The following ZNF91 variants were observed in gnomAD, a reference collection of about 807,000 sequenced individuals.
ZNF91 encodes the protein zinc finger protein 91 (HPF7, HTF10).
ZNF91 carries 7 observed loss-of-function variants against 12.6 expected under a neutral mutation model. The ratio of observed to expected loss-of-function variants is 0.55; its 90% CI spans 0.31 to 1.04. The LOEUF (loss-of-function observed/expected upper bound fraction) is 1.04, where lower values mean the gene tolerates loss of function less well. Among genes scored for constraint, ZNF91 ranks in the 50% least tolerant of loss-of-function variants. ZNF91 has a pLI of 0.05. For synonymous variants in ZNF91, 453 were observed against 462.6 expected (o/e 0.98, Z 0.27); for missense variants, 1,217 against 1,385.4 (o/e 0.88, Z 1.93).
In ZNF91 at chr19:23,362,372, C is replaced by T. The variant is rs369764933; in HGVS notation, c.607G>A (p.Val203Ile). Residue 203 changes from valine to isoleucine, a missense_variant, in exon 4 of 4, where the codon GTT (valine) becomes ATT (isoleucine). By Grantham distance (29) the Val-to-Ile change is conservative. Around this residue, in one of 2 missense-constraint regions of ZNF91, gnomAD observed 726 missense variants for 895.5 expected, o/e 0.81. Coordinates refer to ENST00000300619, the MANE Select transcript of ZNF91 (RefSeq NM_003430.4). ...TTACAGGACTTCTCTGTAATATAAA[C>T]GCATTTATGTTGGGTTTTGTGTAAA... is the stretch of plus-strand genomic sequence containing the variant. ...IRLHKTQHKC[V>I]YITEKSCKCK... The T allele has an allele frequency of 1.6e-5, 26 of 1,613,594 alleles. No individual in the cohort carries two copies. The highest frequency in any genetic ancestry group is 1.0e-4 in the Admixed American group (6 of 59,898).
intron 1 of ZNF91, among the ~76,000 whole-genome samples, chr19:23,385,972 T>C (rs565196991): frequency 6.6e-6 from 1 of 152,284 alleles, no homozygotes; most frequent in South Asian, 2.1e-4. Context: ...AAAAATAATT[T>C]TAGGATACAA....
At chr19:23,330,737 T>C (rs969297661) in intron 1 of ZNF91, among the ~76,000 whole-genome samples, 7 of 152,252 alleles carry the variant, frequency 4.6e-5, no homozygotes, top group Admixed American at 2.0e-4. Context: ...CTTTAAAAAA[T>C]TGAAATAGCT....
Position 23,360,458 on chromosome 19 carries a change from G to C in ZNF91, c.2521C>G (p.Leu841Val). The C allele has an allele frequency of 6.2e-7, 1 of 1,613,856 alleles. No individual in the cohort carries two copies. The highest frequency in any genetic ancestry group is 8.5e-7 in the Non-Finnish European group (1 of 1,179,962). Residue 841 changes from leucine (L) to valine (V), a missense_variant, in exon 4 of 4, where the codon CTT (leucine) becomes GTT (valine). By Grantham distance (32) the Leu-to-Val change is conservative. Around this residue, in one of 2 missense-constraint regions of ZNF91, gnomAD observed 491 missense variants for 489.8 expected, o/e 1.00. Coordinates refer to ENST00000300619, the MANE Select transcript of ZNF91 (RefSeq NM_003430.4). ...GCATGTATTATTTTATGTTTAGCAA[G>C]GGCTGAGGAGTGCTTAAAAGCTTTG... is the stretch of plus-strand genomic sequence containing the variant. The part of the protein sequence containing the change: ...CGKAFKHSSA[L>V]AKHKIIHAGE...
chr19:23,379,129 G>C (rs1157096060), intron 1 of ZNF91, among the ~76,000 whole-genome samples: 1 of 152,166 alleles, frequency 6.6e-6, no homozygotes, highest in Non-Finnish European at 1.5e-5. Flanking sequence ...AGCATTTCCA[G>C]TGACCCTGGG....
At chr19:23,334,646 T>C (rs1217399494), downstream of ZNF91, among the ~76,000 whole-genome samples, 2 of 152,222 alleles carry the variant, frequency 1.3e-5, no homozygotes, top group Non-Finnish European at 2.9e-5. Context: ...TTGGTACTTA[T>C]TTAAACTCCT....
At chr19:23,341,257 C>T (rs1244543302) in intron 3 of ZNF91, among the ~76,000 whole-genome samples, 1 of 151,962 alleles carries the variant, frequency 6.6e-6, no homozygotes, top group Non-Finnish European at 1.5e-5. Flanking sequence ...CACCATATCG[C>T]TCAGGCTGGT....
chr19:23,325,191 AAAAG>A lies in ZNF91; in HGVS notation n.117-16098_117-16095del, dbSNP rs570409375. The A allele has an allele frequency of 3.9e-5, 6 of 151,940 alleles. No individual in the cohort carries two copies. The South Asian group carries it at 1.0e-3, about 26-fold the overall frequency. 9.4% of individuals were successfully genotyped at this position (151,940 alleles called of 1,614,324 possible). A position where few individuals can be genotyped will look rare whatever the true frequency, so the allele number is the denominator to read the frequency against. On this transcript the variant is annotated intron_variant and non_coding_transcript_variant, in intron 1 of 1. Transcript: ENST00000596528. ...GGATGATGAGGAGACTAAATTCCAG[AAAAG>A]AAAGGGCTGCGTGCAGTAAGCAGAC... is the stretch of plus-strand genomic sequence containing the variant.
At chr19:23,331,338 T>C (rs1370140967) in intron 1 of ZNF91, among the ~76,000 whole-genome samples, 2 of 152,206 alleles carry the variant, frequency 1.3e-5, no homozygotes, top group African/African-American at 4.8e-5. Flanking sequence ...TTCAGAGAAG[T>C]AATTTGAGTT....
chr19:23,393,866 C>T (rs540537718), intron 1 of ZNF91, among the ~76,000 whole-genome samples: 2 of 151,948 alleles, frequency 1.3e-5, no homozygotes, highest in East Asian at 3.9e-4. Flanking sequence ...CAGACGTGGT[C>T]GTGGGCACCT....
At chr19:23,370,610 T>C (rs923023173) in intron 3 of ZNF91, among the ~76,000 whole-genome samples, 4 of 152,194 alleles carry the variant, frequency 2.6e-5, no homozygotes, top group Admixed American at 2.6e-4. Flanking sequence ...CAAATAATCC[T>C]GCCCCTCAAT....
At chr19:23,369,702 T>G (rs1000978656) in intron 3 of ZNF91, among the ~76,000 whole-genome samples, 3 of 151,996 alleles carry the variant, frequency 2.0e-5, no homozygotes, top group Non-Finnish European at 4.4e-5. Flanking sequence ...TCTATGACCT[T>G]ACCCCCAACC....
At chr19:23,331,279 G>GAAAT (rs1294109444) in intron 1 of ZNF91, among the ~76,000 whole-genome samples, 1 of 111,264 alleles carries the variant, frequency 9.0e-6, no homozygotes, top group Non-Finnish European at 1.8e-5. Context: ...AGTCCCTGAG[G>GAAAT]AAATTAATTA....
In ZNF91 at chr19:23,359,200, T is replaced by C; in HGVS notation, c.*203A>G. On this transcript the variant is annotated 3_prime_UTR_variant, in exon 4 of 4. Transcript: ENST00000300619. ...AGATTTGCCACATTCTTTATATTTG[T>C]AGGGTTTCTCTCTAGTATGAATTTT... is the stretch of plus-strand genomic sequence containing the variant. 2.0e-6 allele frequency: 1 copy of C among 498,018 alleles called. No individual in the cohort carries two copies. The allele number at this position is 498,018 out of a possible 1,614,324, so 30.8% of individuals were successfully genotyped here.
intron 1 of ZNF91, among the ~76,000 whole-genome samples, chr19:23,390,217 G>A (rs1051555066): frequency 1.1e-4 from 16 of 152,218 alleles, no homozygotes; most frequent in African/African-American, 3.9e-4. Context: ...TTGGGAGGTG[G>A]AGGCAGGAGA....
upstream of ZNF91, among the ~76,000 whole-genome samples, chr19:23,313,440 TC>T (rs1450546299): frequency 6.6e-6 from 1 of 152,200 alleles, no homozygotes. Context: ...CTTTTTATGT[TC>T]TTCCCTCAGG....
chr19:23,373,464 A>G (rs1969375359), intron 3 of ZNF91, among the ~76,000 whole-genome samples: 1 of 151,158 alleles, frequency 6.6e-6, no homozygotes. Context: ...GCAAAAAATT[A>G]GCAAAATGTA....
intron 1 of ZNF91, among the ~76,000 whole-genome samples, chr19:23,386,249 G>C (rs1969869466): frequency 6.6e-6 from 1 of 151,944 alleles, no homozygotes; most frequent in Admixed American, 6.6e-5. Context: ...AAAATTTACA[G>C]ATTTAATGCT....
At chr19:23,394,554 A>G (rs182226594) in intron 1 of ZNF91, among the ~76,000 whole-genome samples, 1 of 152,098 alleles carries the variant, frequency 6.6e-6, no homozygotes, top group Non-Finnish European at 1.5e-5. Flanking sequence ...AACAAGGTGA[A>G]ACCCCGTCTC....
At chr19:23,377,251 C>A (rs1435298380) in intron 1 of ZNF91, among the ~76,000 whole-genome samples, 2 of 152,146 alleles carry the variant, frequency 1.3e-5, no homozygotes, top group Non-Finnish European at 2.9e-5. Flanking sequence ...GTATCTTAAA[C>A]TTCTCATACT....
Sources: gnomAD v4.1 joint callset for allele counts (sites outside exome capture counted in the v4.1 genomes callset) on GRCh38, gnomAD v4.1.1 for gene constraint, gnomAD v4.1.1 regional missense constraint, MANE v1.5 for transcripts, NCBI Gene and HGNC (gene_info 2026-07-23, HGNC 2026-07-21) for gene names.